Variants in ZCCHC14 observed in about 807,000 individuals in gnomAD.
ZCCHC14 encodes the protein zinc finger CCHC domain-containing protein 14.
A neutral mutation model predicts 85.0 loss-of-function variants in ZCCHC14; 16 were observed. The ratio of observed to expected loss-of-function variants is 0.19; its 90% CI spans 0.13 to 0.29. ZCCHC14 has a LOEUF of 0.29. Ranked by LOEUF, ZCCHC14 falls within the 10% of genes least tolerant of loss-of-function variation. The pLI, the probability that ZCCHC14 is intolerant of heterozygous loss-of-function variation, is 1.00. For synonymous variants in ZCCHC14, 775 were observed against 630.7 expected, an observed-to-expected ratio of 1.23 and a Z score of -3.43; for missense variants, 1,303 against 1,443.5, an observed-to-expected ratio of 0.90 and a Z score of 1.58.
chr16:87,420,582 G>T lies in ZCCHC14; in HGVS notation c.950+25C>A. The T allele has an allele frequency of 6.3e-7, 1 of 1,588,754 alleles. No homozygotes were observed. Among genetic ancestry groups the T allele is most frequent in the African/African-American group, 1.3e-5 (1 of 74,554 alleles). ...GCCTGTCCTTGCCAGCTGTGGACGC[G>T]CCGGGTGCCTGGTAAGGGCCTCACC... is the stretch of plus-strand genomic sequence containing the variant. On this transcript the variant is annotated intron_variant, in intron 5 of 12. Transcript: ENST00000671377. The surrounding 1 kb of genome is among the most constrained non-coding windows in gnomAD (Gnocchi z 5.0).
At position 87,437,472 on chromosome 16, in the gene ZCCHC14, C is replaced by T. The variant is rs536957945; in HGVS notation, c.695-4271G>A. The stretch of plus-strand genomic sequence containing the variant: ...CCTCCGTGAGGAAAGCATTCACGTG[C>T]GTAAAAATGGCGATTCGGCCACAGC... On this transcript the variant is annotated intron_variant, in intron 2 of 12. Transcript: ENST00000671377. Among the ~76,000 whole-genome samples the T allele has an allele frequency of 4.6e-5, 7 of 152,164 alleles. No homozygotes were observed. In the South Asian group the frequency reaches 1.5e-3, roughly 32 times the overall value.
At chr16:87,474,201 C>G (rs1217879287) in intron 1 of ZCCHC14, 1 of 152,362 alleles carries the variant, frequency 6.6e-6, no homozygotes, top group African/African-American at 2.4e-5. Flanking sequence ...AAGTTCACCA[C>G]ACGCCTGACT....
chr16:87,437,561 A>G (rs1323970767), intron 2 of ZCCHC14, among the ~76,000 whole-genome samples: 1 of 152,206 alleles, frequency 6.6e-6, no homozygotes, highest in Non-Finnish European at 1.5e-5. Flanking sequence ...CACCGCACCC[A>G]GGCAGGCCTG....
intron 3 of ZCCHC14, among the ~76,000 whole-genome samples, chr16:87,430,931 G>A (rs899166700): frequency 4.7e-5 from 7 of 148,744 alleles, no homozygotes; most frequent in African/African-American, 1.7e-4. Flanking sequence ...CTTGAGCAGG[G>A]GAGTTTGAGA....
chr16:87,452,847 G>T (rs1910771233), intron 2 of ZCCHC14, among the ~76,000 whole-genome samples: 1 of 152,208 alleles, frequency 6.6e-6, no homozygotes, highest in South Asian at 2.1e-4. Flanking sequence ...TGGTGCAGCT[G>T]AAAGAAACAG....
intron 2 of ZCCHC14, among the ~76,000 whole-genome samples, chr16:87,437,909 C>T (rs968327679): frequency 6.6e-6 from 1 of 152,250 alleles, no homozygotes; most frequent in Admixed American, 6.5e-5. Flanking sequence ...TCCCTTTGGT[C>T]CAACTGCACC....
intron 1 of ZCCHC14, among the ~76,000 whole-genome samples, chr16:87,478,703 T>A (rs983102846): frequency 6.6e-5 from 10 of 152,088 alleles, no homozygotes; most frequent in African/African-American, 2.4e-4. Flanking sequence ...GCCTCCCAGG[T>A]TCAAACAATT....
chr16:87,453,747 C>T (rs955924687), intron 2 of ZCCHC14, among the ~76,000 whole-genome samples: 1 of 152,212 alleles, frequency 6.6e-6, no homozygotes, highest in Non-Finnish European at 1.5e-5. Context: ...TATAATCACA[C>T]ACAATGGCAC....
Position 87,407,177 on chromosome 16 carries a change from CTG to C in ZCCHC14, c.*3101_*3102del, listed in dbSNP as rs1185122584. On this transcript the variant is annotated 3_prime_UTR_variant, in exon 13 of 13. Coordinates refer to ENST00000671377, the MANE Select transcript of ZCCHC14 (RefSeq NM_015144.3). ...CCACTACTGTGCCCCAAGACAGAGTCTGTGGTATAAACTAACTGTGCTGACTT... is the reference window on the plus strand; with the variant it reads ...CCACTACTGTGCCCCAAGACAGAGTCTGGTATAAACTAACTGTGCTGACTT... 1.3e-5 allele frequency: 2 copies of C among 152,206 alleles called. No homozygotes were observed. Among genetic ancestry groups the C allele is most frequent in the Non-Finnish European group, 2.9e-5 (2 of 68,054 alleles). The allele number at this position is 152,206 out of a possible 1,614,324, so 9.4% of individuals were successfully genotyped here.
At chr16:87,413,969 T>C (rs1445796666) in intron 10 of ZCCHC14, among the ~76,000 whole-genome samples, 1 of 152,250 alleles carries the variant, frequency 6.6e-6, no homozygotes, top group Non-Finnish European at 1.5e-5. Context: ...TCCCTTCGAT[T>C]TTCTTATGGC....
rs570570065 is a variant in ZCCHC14, at chr16:87,489,532, T to C, written c.570+2137A>G. On this transcript the variant is annotated intron_variant, in intron 1 of 12. Coordinates refer to ENST00000671377, the MANE Select transcript of ZCCHC14 (RefSeq NM_015144.3). ...TTACTGCACCTCTGCTGGAAGCTCA[T>C]GTATGTTACCTATGTAATCCTCAAC... Among the ~76,000 whole-genome samples the C allele has an allele frequency of 3.9e-5, 6 of 152,342 alleles. No individual in the cohort carries two copies. The East Asian group carries it at 9.6e-4, about 24-fold the overall frequency.
At chr16:87,456,123 T>C (rs897335616) in intron 2 of ZCCHC14, among the ~76,000 whole-genome samples, 20 of 152,150 alleles carry the variant, frequency 1.3e-4, no homozygotes, top group African/African-American at 4.6e-4. Context: ...CATAATAAAA[T>C]GTTAGATAAA....
At chr16:87,459,046 C>T (rs1394288692) in intron 2 of ZCCHC14, among the ~76,000 whole-genome samples, 1 of 152,218 alleles carries the variant, frequency 6.6e-6, no homozygotes, top group Non-Finnish European at 1.5e-5. Flanking sequence ...TGGTTACCAA[C>T]TTTGCAGCTG....
At chr16:87,421,792 G>A (rs1022917861) in intron 4 of ZCCHC14, among the ~76,000 whole-genome samples, 4 of 152,290 alleles carry the variant, frequency 2.6e-5, no homozygotes, top group African/African-American at 9.6e-5. Flanking sequence ...GCTTCATCCT[G>A]CCCAGATGGC....
At chr16:87,449,095 C>T (rs1354900272) in intron 2 of ZCCHC14, among the ~76,000 whole-genome samples, 3 of 152,212 alleles carry the variant, frequency 2.0e-5, no homozygotes, top group African/African-American at 7.2e-5. Context: ...CCTGAACAGT[C>T]ACGGAGCATG....
At chr16:87,469,126 T>C (rs1450779225) in intron 1 of ZCCHC14, among the ~76,000 whole-genome samples, 1 of 152,172 alleles carries the variant, frequency 6.6e-6, no homozygotes, top group Non-Finnish European at 1.5e-5. Flanking sequence ...TTGCCCAGGC[T>C]GGTCTCAAAT....
chr16:87,421,190 CAGAG>C (rs1336046804), intron 4 of ZCCHC14, among the ~76,000 whole-genome samples: 1 of 152,184 alleles, frequency 6.6e-6, no homozygotes, highest in Non-Finnish European at 1.5e-5. Context: ...CAGGAGGAGC[CAGAG>C]AGAGCCCCAT....
intron 1 of ZCCHC14, among the ~76,000 whole-genome samples, chr16:87,485,664 A>G (rs1387119718): frequency 6.6e-6 from 1 of 152,048 alleles, no homozygotes; most frequent in African/African-American, 2.4e-5. Flanking sequence ...GGGGGAGAAT[A>G]CTAAAGCAGA....
At chr16:87,477,142 C>CAAAAAAAAAAAAAAAAAAAAA (rs1567542354) in intron 1 of ZCCHC14, among the ~76,000 whole-genome samples, 1 of 78,606 alleles carries the variant, frequency 1.3e-5, no homozygotes. Flanking sequence ...AAAAAAAAAA[C>CAAAAAAAAAAAAAAAAAAAAA]AAAACAAAAC....
Sources: gnomAD v4.1 joint callset for allele counts (sites outside exome capture counted in the v4.1 genomes callset) on GRCh38, gnomAD v4.1.1 for gene constraint, Gnocchi (gnomAD v3.1) non-coding constraint, MANE v1.5 for transcripts, NCBI Gene and HGNC (gene_info 2026-07-23, HGNC 2026-07-21) for gene names.